The following CNBD1 variants were observed in gnomAD, a reference collection of about 807,000 sequenced individuals.
The protein encoded by CNBD1 is cyclic nucleotide binding domain containing 1.
Under a neutral mutation model 54.4 loss-of-function variants are expected in CNBD1, and 71 were observed. That is an observed-to-expected ratio of 1.30 (90% CI 1.08 to 1.59). The LOEUF is 1.59. CNBD1 is among the 40% of genes most tolerant of loss of function. The pLI is 0.00. For synonymous variants in CNBD1, 182 were observed against 170.7 expected, an observed-to-expected ratio of 1.07 and a Z score of -0.51; for missense variants, 659 against 518.0, an observed-to-expected ratio of 1.27 and a Z score of -2.64.
intron 4 of CNBD1, among the ~76,000 whole-genome samples, chr8:86,957,764 T>G (rs1286897434): frequency 6.6e-6 from 1 of 152,170 alleles, no homozygotes; most frequent in Non-Finnish European, 1.5e-5. Flanking sequence ...ATTTTGTTGA[T>G]CTTTTCAAAA....
chr8:87,110,414 T>C (rs1811638585), intron 4 of CNBD1, among the ~76,000 whole-genome samples: 1 of 152,166 alleles, frequency 6.6e-6, no homozygotes, highest in South Asian at 2.1e-4. Flanking sequence ...ACCTTCTGCA[T>C]CACCTAATGA....
chr8:87,012,212 T>G (rs1460466056), intron 4 of CNBD1, among the ~76,000 whole-genome samples: 1 of 152,182 alleles, frequency 6.6e-6, no homozygotes, highest in East Asian at 1.9e-4. Context: ...AGGTCATTGG[T>G]TGCAGAAATG....
In CNBD1 at chr8:87,042,488, G is replaced by T. The variant is rs557580327; in HGVS notation, c.431+102734G>T. 4.6e-5 allele frequency among the ~76,000 whole-genome samples: 7 copies of T among 152,240 alleles called. No individual in the cohort carries two copies. The East Asian group carries it at 1.2e-3, about 25-fold the overall frequency. ...AGTATGAATTGATTGCCATTTGGGG[G>T]TTGATAATTATATTTGGAAAGATGA... On this transcript the variant is annotated intron_variant, in intron 4 of 10. Transcript: ENST00000518476.
intron 10 of CNBD1, among the ~76,000 whole-genome samples, chr8:87,369,340 T>G (rs1289716373): frequency 1.3e-5 from 2 of 152,000 alleles, no homozygotes; most frequent in African/African-American, 4.8e-5. Context: ...TTTTTGTGAT[T>G]GAAAAGAGTT....
At chr8:87,063,037 A>G (rs1261514126) in intron 4 of CNBD1, among the ~76,000 whole-genome samples, 3 of 152,118 alleles carry the variant, frequency 2.0e-5, no homozygotes, top group Non-Finnish European at 4.4e-5. Context: ...GCAAGTATTC[A>G]CTTTTGGTTG....
At chr8:86,873,301 C>A (rs1372354805) in intron 1 of CNBD1, among the ~76,000 whole-genome samples, 2 of 151,544 alleles carry the variant, frequency 1.3e-5, no homozygotes, top group Admixed American at 6.6e-5. Flanking sequence ...GGGTTTCTCC[C>A]TGTTGATCAG....
At chr8:87,132,400 T>C (rs1196462553) in intron 4 of CNBD1, among the ~76,000 whole-genome samples, 1 of 151,470 alleles carries the variant, frequency 6.6e-6, no homozygotes, top group Non-Finnish European at 1.5e-5. Context: ...AGTGAATATT[T>C]CTTTGTGAAA....
chr8:86,908,342 T>A (rs2131811719), intron 3 of CNBD1, among the ~76,000 whole-genome samples: 1 of 152,292 alleles, frequency 6.6e-6, no homozygotes, highest in South Asian at 2.1e-4. Flanking sequence ...ATGTAGGAAA[T>A]CAAATAGAAA....
chr8:87,243,256 G>A (rs185461511), intron 6 of CNBD1, among the ~76,000 whole-genome samples: 9 of 152,266 alleles, frequency 5.9e-5, no homozygotes, highest in Admixed American at 2.6e-4. Flanking sequence ...ATCTCATTTC[G>A]TAAAGCAGTT....
intron 6 of CNBD1, among the ~76,000 whole-genome samples, chr8:87,275,524 A>G (rs1009708654): frequency 7.6e-6 from 1 of 132,262 alleles, no homozygotes; most frequent in African/African-American, 2.6e-5. Flanking sequence ...ATTCAACAAC[A>G]CTTCATGCTA....
At chr8:87,240,678 T>C (rs920225492) in intron 6 of CNBD1, among the ~76,000 whole-genome samples, 11 of 152,172 alleles carry the variant, frequency 7.2e-5, no homozygotes, top group African/African-American at 2.7e-4. Flanking sequence ...TAGCTTGGTT[T>C]TCTGGCTCTT....
At chr8:87,288,836 C>A (rs1017338708) in intron 8 of CNBD1, among the ~76,000 whole-genome samples, 5 of 152,014 alleles carry the variant, frequency 3.3e-5, no homozygotes, top group Admixed American at 6.6e-5. Flanking sequence ...AAATATTTAA[C>A]CTCCTTAGAG....
intron 2 of CNBD1, among the ~76,000 whole-genome samples, chr8:87,423,854 C>T (rs1327617128): frequency 1.3e-5 from 2 of 152,306 alleles, no homozygotes; most frequent in East Asian, 1.9e-4. Flanking sequence ...AGGAATGGTA[C>T]CAGTTCCTCC....
intron 4 of CNBD1, among the ~76,000 whole-genome samples, chr8:86,944,290 T>C (rs1048580511): frequency 3.9e-5 from 6 of 152,216 alleles, no homozygotes; most frequent in African/African-American, 1.4e-4. Context: ...CCTCTATGTT[T>C]CTGTCAGTAT....
intron 2 of CNBD1, among the ~76,000 whole-genome samples, chr8:87,409,334 C>G (rs1251192164): frequency 6.6e-6 from 1 of 152,072 alleles, no homozygotes; most frequent in East Asian, 1.9e-4. Context: ...CCTAACTGTT[C>G]AATTCTATAA....
intron 4 of CNBD1, among the ~76,000 whole-genome samples, chr8:86,985,400 T>A (rs1346216696): frequency 6.6e-6 from 1 of 152,208 alleles, no homozygotes; most frequent in Non-Finnish European, 1.5e-5. Flanking sequence ...CCCTTCCTCC[T>A]GCCTAGTAGC....
At chr8:87,130,776 C>CAAA (rs1178214720) in intron 4 of CNBD1, among the ~76,000 whole-genome samples, 2 of 99,380 alleles carry the variant, frequency 2.0e-5, no homozygotes, top group African/African-American at 7.0e-5. Context: ...GATCCTGTCT[C>CAAA]AAAAAAAAAA....
intron 3 of CNBD1, among the ~76,000 whole-genome samples, chr8:86,913,382 T>TA (rs34232298): frequency 0.089 from 13,574 of 152,192 alleles, 839 homozygotes; most frequent in African/African-American, 0.18. Context: ...CGTAAATACT[T>TA]ACCATTGTTA....
chr8:87,199,421 C>A (rs1375472343), intron 4 of CNBD1, among the ~76,000 whole-genome samples: 1 of 152,120 alleles, frequency 6.6e-6, no homozygotes, highest in Non-Finnish European at 1.5e-5. Flanking sequence ...AAAAACAACA[C>A]AAATTTGGAG....
Sources: gnomAD v4.1 joint callset for allele counts (sites outside exome capture counted in the v4.1 genomes callset) on GRCh38, gnomAD v4.1.1 for gene constraint, MANE v1.5 for transcripts, NCBI Gene and HGNC (gene_info 2026-07-23, HGNC 2026-07-21) for gene names.